GRIN2A: variants seen among roughly 807,000 people sequenced by gnomAD.
The protein encoded by GRIN2A is glutamate ionotropic receptor NMDA type subunit 2A.
GRIN2A carries 22 observed loss-of-function variants against 113.4 expected under a neutral mutation model. The ratio of observed to expected loss-of-function variants is 0.19; its 90% CI spans 0.14 to 0.28. The LOEUF (loss-of-function observed/expected upper bound fraction) is 0.28. Ranked by LOEUF, GRIN2A falls within the 10% of genes least tolerant of loss-of-function variation. The pLI is 1.00. For synonymous variants in GRIN2A, 827 were observed against 738.4 expected, an observed-to-expected ratio of 1.12 and a Z score of -1.94; for missense variants, 1,502 against 1,887.0, an observed-to-expected ratio of 0.80 and a Z score of 3.78.
At chr16:9,894,008 TG>T (rs2043753297) in intron 3 of GRIN2A, among the ~76,000 whole-genome samples, 1 of 152,030 alleles carries the variant, frequency 6.6e-6, no homozygotes, top group African/African-American at 2.4e-5. Flanking sequence ...GGAGAGTAAA[TG>T]TAAGAAGGTG....
intron 4 of GRIN2A, among the ~76,000 whole-genome samples, chr16:9,861,349 C>T (rs1044524492): frequency 1.3e-5 from 2 of 152,182 alleles, no homozygotes; most frequent in Non-Finnish European, 2.9e-5. Flanking sequence ...TGCCAAAGGA[C>T]ATGAGATAAA....
At chr16:10,118,592 C>A (rs1372252532) in intron 2 of GRIN2A, among the ~76,000 whole-genome samples, 1 of 152,192 alleles carries the variant, frequency 6.6e-6, no homozygotes, top group Non-Finnish European at 1.5e-5. Context: ...TGGGCACAAT[C>A]TATGTCTTCC....
intron 2 of GRIN2A, among the ~76,000 whole-genome samples, chr16:9,990,600 G>C (rs2046092650): frequency 7.4e-6 from 1 of 134,986 alleles, no homozygotes; most frequent in East Asian, 2.1e-4. Flanking sequence ...CACACACACG[G>C]TTGATGGAAA....
In GRIN2A at chr16:9,753,871, G is replaced by A. The variant is rs139007678; in HGVS notation, c.*9278C>T. On this transcript the variant is annotated 3_prime_UTR_variant, in exon 13 of 13. Coordinates refer to ENST00000330684, the MANE Select transcript of GRIN2A (RefSeq NM_001134407.3). ...TGTGGGTTTTGGATTCTGTTTGAAT[G>A]TAGCTGTGAATAGAAACCCTCTGCA... The A allele has an allele frequency of 1.1e-4, 19 of 178,842 alleles. No homozygotes were observed. In the East Asian group the frequency reaches 1.4e-3, roughly 13 times the overall value. The allele number at this position is 178,842 out of a possible 1,614,324, so 11.1% of individuals were successfully genotyped here.
chr16:9,894,003 G>C (rs942374388), intron 3 of GRIN2A, among the ~76,000 whole-genome samples: 1 of 152,160 alleles, frequency 6.6e-6, no homozygotes, highest in African/African-American at 2.4e-5. Flanking sequence ...CTGATGGAGA[G>C]TAAATGTAAG....
In GRIN2A at chr16:9,990,581, A is replaced by G. The variant is rs1304318041; in HGVS notation, c.415-52030T>C. Reference sequence around the variant, plus strand: ...CGCGCGCGCACACACACACACACACACACACACACACACACACGGTTGATG... The same window carrying G: ...CGCGCGCGCACACACACACACACACGCACACACACACACACACGGTTGATG... On this transcript the variant is annotated intron_variant, in intron 2 of 12. Transcript: ENST00000330684. Among the ~76,000 whole-genome samples, 6 of 151,140 alleles carry G rather than the reference A, an allele frequency of 4.0e-5. No homozygotes were observed. The East Asian group carries it at 1.2e-3, about 30-fold the overall frequency.
chr16:9,920,039 T>A (rs1052555573), intron 3 of GRIN2A, among the ~76,000 whole-genome samples: 2 of 152,234 alleles, frequency 1.3e-5, no homozygotes, highest in African/African-American at 2.4e-5. Context: ...CCCATATCAA[T>A]AGCAAATTGA....
chr16:10,167,217 C>T (rs1480379972), intron 2 of GRIN2A, among the ~76,000 whole-genome samples: 9 of 152,158 alleles, frequency 5.9e-5, no homozygotes, highest in African/African-American at 2.2e-4. Flanking sequence ...ATAATTTTGA[C>T]TGCATGTTTA....
At position 9,870,426 on chromosome 16, in the gene GRIN2A, ACAT is replaced by A. The variant is rs773358003; in HGVS notation, c.1123-20468_1123-20466del. 2.0e-5 allele frequency among the ~76,000 whole-genome samples: 3 copies of A among 152,212 alleles called. No homozygotes were observed. The South Asian group carries it at 6.2e-4, about 32-fold the overall frequency. ...TCAGATAATAGACACACTGGAAGAC[ACAT>A]CCTAGCCAGAAAGCTGCGTGTCATT... is the stretch of plus-strand genomic sequence containing the variant. On this transcript the variant is annotated intron_variant, in intron 4 of 12. Transcript: ENST00000330684.
chr16:10,017,964 C>T (rs2035960974), intron 2 of GRIN2A, among the ~76,000 whole-genome samples: 1 of 152,152 alleles, frequency 6.6e-6, no homozygotes, highest in African/African-American at 2.4e-5. Flanking sequence ...TAAAATATTG[C>T]ACTGAAATGG....
At chr16:9,902,816 C>T (rs1377338341) in intron 3 of GRIN2A, among the ~76,000 whole-genome samples, 2 of 152,084 alleles carry the variant, frequency 1.3e-5, no homozygotes, top group Non-Finnish European at 2.9e-5. Context: ...CTGTTCCTCC[C>T]ACCCAGAATG....
chr16:10,131,655 G>T (rs1351274809), intron 2 of GRIN2A, among the ~76,000 whole-genome samples: 6 of 152,110 alleles, frequency 3.9e-5, no homozygotes, highest in African/African-American at 1.4e-4. Context: ...AGAAGGTCAG[G>T]GAAGACTTCC....
chr16:10,099,259 T>G (rs1312476026), intron 2 of GRIN2A, among the ~76,000 whole-genome samples: 2 of 152,150 alleles, frequency 1.3e-5, no homozygotes, highest in African/African-American at 4.8e-5. Flanking sequence ...TAAAAGATAC[T>G]TACTCAAAAG....
intron 2 of GRIN2A, among the ~76,000 whole-genome samples, chr16:9,952,805 A>C (rs1251456986): frequency 6.6e-6 from 1 of 152,130 alleles, no homozygotes; most frequent in Non-Finnish European, 1.5e-5. Flanking sequence ...ATAATTATTG[A>C]ATGAAAGAGA....
rs1224228361 is a variant in GRIN2A at position 10,180,139 on chromosome 16, G to A, written c.273C>T (p.Ser91=). The part of the protein sequence containing the change: ...SLITHVCDLM[S]GARIHGLVFG... The stretch of plus-strand genomic sequence containing the variant: ...ACACGAGGCCGTGGATGCGTGCCCC[G>A]GACATGAGGTCGCACACGTGCGTGA... The change falls in exon 2 of 13, where the codon TCC becomes TCT. Residue 91 remains serine (S), a synonymous_variant. Coordinates refer to ENST00000330684, the MANE Select transcript of GRIN2A (RefSeq NM_001134407.3). This position sits in a 1 kb window ranked among gnomAD's most constrained non-coding sequence, Gnocchi z 7.0. 1.9e-6 allele frequency: 3 copies of A among 1,614,216 alleles called. No homozygotes were observed. Among genetic ancestry groups the A allele is most frequent in the Non-Finnish European group, 2.5e-6 (3 of 1,180,046 alleles).
chr16:10,114,855 G>A (rs1226864381), intron 2 of GRIN2A, among the ~76,000 whole-genome samples: 1 of 152,202 alleles, frequency 6.6e-6, no homozygotes, highest in East Asian at 1.9e-4. Context: ...TGCCAGGTCT[G>A]CATGCTGTTT....
At chr16:10,128,693 T>G (rs1251084336) in intron 2 of GRIN2A, among the ~76,000 whole-genome samples, 1 of 152,204 alleles carries the variant, frequency 6.6e-6, no homozygotes, top group African/African-American at 2.4e-5. Context: ...TTTATAAATA[T>G]CTTTACATGC....
At chr16:10,169,574 G>A (rs1429721650) in intron 2 of GRIN2A, among the ~76,000 whole-genome samples, 1 of 152,134 alleles carries the variant, frequency 6.6e-6, no homozygotes, top group East Asian at 1.9e-4. Context: ...AAGGTGTGAT[G>A]GCTGGAACAG....
At chr16:9,834,367 A>C (rs2042550539) in intron 7 of GRIN2A, 137 bp from the exon 8 acceptor site, 1 of 800,816 alleles carries the variant, frequency 1.2e-6, no homozygotes, top group South Asian at 1.5e-5. Context: ...AAAAGAAGCT[A>C]ATCATTTTTT....
Sources: allele counts gnomAD v4.1 joint callset (sites outside exome capture counted in the v4.1 genomes callset), GRCh38; gene constraint gnomAD v4.1.1; non-coding constraint Gnocchi (gnomAD v3.1); transcripts MANE v1.5; gene names NCBI Gene and HGNC (gene_info 2026-07-23, HGNC 2026-07-21).